APBB2: variants seen among roughly 807,000 people sequenced by gnomAD.
APBB2 encodes the protein Fe65-like 1.
A neutral mutation model predicts 82.5 loss-of-function variants in APBB2; 38 were observed. The observed-to-expected ratio is 0.46, with a 90% CI of 0.36 to 0.60. The LOEUF (loss-of-function observed/expected upper bound fraction) is 0.60. APBB2 is among the 20% of genes least tolerant of loss of function. The pLI is 0.00. For missense variants in APBB2, 772 were observed against 972.3 expected (o/e 0.79, Z 2.74); for synonymous variants, 341 against 368.2 (o/e 0.93, Z 0.85).
At chr4:41,078,965 G>A (rs906481138) in intron 3 of APBB2, among the ~76,000 whole-genome samples, 4 of 152,140 alleles carry the variant, frequency 2.6e-5, no homozygotes, top group Non-Finnish European at 5.9e-5. Flanking sequence ...TGACTTAGCC[G>A]TGGTCAACCC....
chr4:40,954,671 TTC>T (rs1791102564), intron 6 of APBB2, among the ~76,000 whole-genome samples: 1 of 152,196 alleles, frequency 6.6e-6, no homozygotes, highest in African/African-American at 2.4e-5. Context: ...ACTCATTCTT[TTC>T]TCTTTTTTGA....
At chr4:40,828,949 T>G (rs1750907651) in intron 13 of APBB2, among the ~76,000 whole-genome samples, 1 of 152,146 alleles carries the variant, frequency 6.6e-6, no homozygotes, top group African/African-American at 2.4e-5. Flanking sequence ...ACTCCTGGCC[T>G]GGGTTGGGTC....
intron 4 of APBB2, among the ~76,000 whole-genome samples, chr4:41,049,824 C>G (rs1488167032): frequency 1.3e-5 from 2 of 152,184 alleles, no homozygotes; most frequent in African/African-American, 4.8e-5. Flanking sequence ...TTACCCCCAA[C>G]CCGGTGCTCT....
intron 12 of APBB2, 151 bp downstream of exon 12, chr4:40,890,213 G>T: frequency 9.6e-7 from 1 of 1,040,090 alleles, no homozygotes; most frequent in Non-Finnish European, 1.3e-6. Context: ...TAAGAGGCAG[G>T]GAACTAGAGA....
At chr4:41,086,719 G>A (rs984460357) in intron 3 of APBB2, among the ~76,000 whole-genome samples, 3 of 152,080 alleles carry the variant, frequency 2.0e-5, no homozygotes, top group African/African-American at 7.2e-5. Flanking sequence ...ATACTCAATG[G>A]TAAATGACTG....
At chr4:41,076,863 A>T (rs768471347) in intron 3 of APBB2, among the ~76,000 whole-genome samples, 2 of 152,224 alleles carry the variant, frequency 1.3e-5, no homozygotes, top group Non-Finnish European at 2.9e-5. Flanking sequence ...ATGCTATAAA[A>T]TACAGATACT....
chr4:40,971,729 T>C (rs1795971833), intron 6 of APBB2, among the ~76,000 whole-genome samples: 1 of 152,230 alleles, frequency 6.6e-6, no homozygotes, highest in South Asian at 2.1e-4. Context: ...AAAGAAAACC[T>C]ATCATATATC....
Position 40,830,056 on chromosome 4 carries a change from T to C in APBB2, c.1644+407A>G, listed in dbSNP as rs572594566. Among the ~76,000 whole-genome samples, 3 of 152,366 alleles carry C rather than the reference T, an allele frequency of 2.0e-5. No homozygotes were observed. The South Asian group carries it at 6.2e-4, about 32-fold the overall frequency. On this transcript the variant is annotated intron_variant, in intron 13 of 17. Coordinates refer to ENST00000508593, the MANE Select transcript of APBB2 (RefSeq NM_004307.2). ...TTTTCCCAGTTTTCTGGGGTGTACG[T>C]ATCTCTGCCATTGTTTTGCCTACCT...
chr4:40,903,253 A>G (rs142103055), intron 10 of APBB2, among the ~76,000 whole-genome samples: 16,518 of 151,808 alleles, frequency 0.11, 1,276 homozygotes, highest in African/African-American at 0.21. Context: ...CTGAGGTCAG[A>G]AGTTCAAGAC....
chr4:40,929,694 C>G (rs922033551), intron 10 of APBB2, among the ~76,000 whole-genome samples: 1 of 152,122 alleles, frequency 6.6e-6, no homozygotes, highest in African/African-American at 2.4e-5. Flanking sequence ...TGAACTGATA[C>G]GTGGACAAAG....
chr4:40,983,545 T>C (rs143726639), intron 6 of APBB2, among the ~76,000 whole-genome samples: 1 of 151,674 alleles, frequency 6.6e-6, no homozygotes, highest in East Asian at 1.9e-4. Context: ...TCACAGGGAG[T>C]CCAAGTTTCT....
chr4:41,130,090 C>T (rs1580277561), intron 2 of APBB2, among the ~76,000 whole-genome samples: 1 of 152,148 alleles, frequency 6.6e-6, no homozygotes, highest in African/African-American at 2.4e-5. Context: ...AAGAACCAGC[C>T]AATGCAATGG....
chr4:41,118,343 G>A (rs1252380604), intron 2 of APBB2: 1 of 152,186 alleles, frequency 6.6e-6, no homozygotes, highest in Non-Finnish European at 1.5e-5. Context: ...CACTAGTCGT[G>A]GATTTGAATG....
At chr4:41,010,121 A>G (rs1448085780) in intron 6 of APBB2, among the ~76,000 whole-genome samples, 1 of 152,214 alleles carries the variant, frequency 6.6e-6, no homozygotes, top group African/African-American at 2.4e-5. Context: ...AGGACTCCCA[A>G]AATTATGACT....
intron 3 of APBB2, among the ~76,000 whole-genome samples, chr4:41,076,369 C>A (rs540982619): frequency 6.6e-6 from 1 of 152,206 alleles, no homozygotes; most frequent in East Asian, 1.9e-4. Context: ...TTGCTATGCC[C>A]CTCCTCCCAC....
chr4:41,043,084 T>C (rs1265519917), intron 4 of APBB2, among the ~76,000 whole-genome samples: 2 of 152,206 alleles, frequency 1.3e-5, no homozygotes, highest in Non-Finnish European at 2.9e-5. Context: ...TCTTGATTAA[T>C]ACAGGCTGCA....
intron 10 of APBB2, among the ~76,000 whole-genome samples, chr4:40,907,883 G>A (rs1777477143): frequency 6.6e-6 from 1 of 151,510 alleles, no homozygotes; most frequent in Non-Finnish European, 1.5e-5. Flanking sequence ...TGCCCAGGCT[G>A]GTCTGGAACT....
chr4:41,139,025 A>C (rs1758370192), intron 2 of APBB2, among the ~76,000 whole-genome samples: 1 of 152,196 alleles, frequency 6.6e-6, no homozygotes, highest in East Asian at 1.9e-4. Flanking sequence ...TTGATATGGA[A>C]GTATTAGACT....
chr4:40,951,395 A>G (rs1273273427), intron 6 of APBB2, among the ~76,000 whole-genome samples: 1 of 152,264 alleles, frequency 6.6e-6, no homozygotes, highest in East Asian at 1.9e-4. Context: ...GGTATTTTTC[A>G]GTACCTAAAA....
Sources: allele counts gnomAD v4.1 joint callset (sites outside exome capture counted in the v4.1 genomes callset), GRCh38; gene constraint gnomAD v4.1.1; transcripts MANE v1.5; gene names NCBI Gene and HGNC (gene_info 2026-07-23, HGNC 2026-07-21).